Variants in NEDD4L observed in about 807,000 individuals in gnomAD.
NEDD4L encodes the protein NEDD4 like E3 ubiquitin protein ligase.
In NEDD4L, 54 loss-of-function variants were observed where a neutral mutation model predicts 148.9. The observed-to-expected ratio is 0.36, with a 90% confidence interval of 0.29 to 0.45. The LOEUF (loss-of-function observed/expected upper bound fraction) is 0.45. Among genes scored for constraint, NEDD4L ranks in the 20% least tolerant of loss-of-function variants. NEDD4L has a pLI of 1.00. For missense variants in NEDD4L, 856 were observed against 1,233.8 expected (o/e 0.69, Z 4.59); for synonymous variants, 433 against 440.7 (o/e 0.98, Z 0.22).
At chr18:58,063,252 G>A (rs1015224729) in intron 1 of NEDD4L, among the ~76,000 whole-genome samples, 2 of 150,714 alleles carry the variant, frequency 1.3e-5, no homozygotes, top group African/African-American at 2.4e-5. Flanking sequence ...AGACAAGTTC[G>A]TGCTGTGTTG....
chr18:58,322,734 A>G (rs1400614817), intron 7 of NEDD4L, among the ~76,000 whole-genome samples: 6 of 88,572 alleles, frequency 6.8e-5, no homozygotes, highest in Admixed American at 1.4e-4. Context: ...CCTGCCTTGC[A>G]TGCTGTGGGT....
At position 58,323,169 on chromosome 18, in the gene NEDD4L, C is replaced by A. The variant is rs73439414; in HGVS notation, c.411-63C>A. On this transcript the variant is annotated intron_variant, in intron 7 of 30. Transcript: ENST00000400345. ...TGTGGTGGTTGGCTTTTGCTGAAGA[C>A]GATTTTAAGTGTCCTTTGAAGTCAC... 10,060 of 975,350 alleles carry A rather than the reference C, an allele frequency of 0.01. 728 individuals carry two copies. In the African/African-American group the frequency reaches 0.14, roughly 14 times the overall value. 60.4% of individuals were successfully genotyped at this position (975,350 alleles called of 1,614,324 possible).
At chr18:58,335,441 C>T (rs778907418) in intron 12 of NEDD4L, 37 bp from the exon 13 acceptor site, 2 of 1,576,602 alleles carry the variant, frequency 1.3e-6, no homozygotes, top group African/African-American at 2.7e-5. Flanking sequence ...GGGTCATCCC[C>T]TAAGTGCATT....
At chr18:58,274,231 G>T (rs1178545414) in intron 5 of NEDD4L, among the ~76,000 whole-genome samples, 2 of 152,174 alleles carry the variant, frequency 1.3e-5, no homozygotes, top group Non-Finnish European at 2.9e-5. Context: ...CCACTGATGG[G>T]CCCAGTCCGT....
intron 2 of NEDD4L, among the ~76,000 whole-genome samples, chr18:58,241,958 T>C (rs2046686381): frequency 1.3e-5 from 2 of 152,028 alleles, no homozygotes; most frequent in Non-Finnish European, 1.5e-5. Context: ...GTCATATTCA[T>C]GCTAGCCCTG....
chr18:58,152,803 T>C (rs2034947384), intron 1 of NEDD4L, among the ~76,000 whole-genome samples: 1 of 152,210 alleles, frequency 6.6e-6, no homozygotes, highest in Non-Finnish European at 1.5e-5. Context: ...AAATTGGTAC[T>C]CTGGGAAGAT....
At chr18:58,219,629 C>G (rs201188932) in intron 2 of NEDD4L, among the ~76,000 whole-genome samples, 7 of 151,738 alleles carry the variant, frequency 4.6e-5, no homozygotes, top group Non-Finnish European at 2.9e-5. Context: ...ATTTGTGTAC[C>G]TGTGTCCGTG....
At chr18:58,312,716 G>C (rs536435535) in intron 5 of NEDD4L, among the ~76,000 whole-genome samples, 3 of 152,270 alleles carry the variant, frequency 2.0e-5, no homozygotes, top group African/African-American at 7.2e-5. Context: ...GTCTTGCCCT[G>C]TCTCCCAGAC....
chr18:58,379,319 G>A (rs1372576594), intron 24 of NEDD4L, among the ~76,000 whole-genome samples: 1 of 152,236 alleles, frequency 6.6e-6, no homozygotes, highest in African/African-American at 2.4e-5. Context: ...AGCACCTATA[G>A]GAGATGCGCA....
chr18:58,374,828 C>T (rs17064916), intron 24 of NEDD4L, among the ~76,000 whole-genome samples: 7,153 of 152,164 alleles, frequency 0.047, 235 homozygotes, highest in East Asian at 0.12. Flanking sequence ...GTCCTGCACC[C>T]GCTGCTTTTT....
chr18:58,184,887 C>A (rs1447068321), intron 2 of NEDD4L, among the ~76,000 whole-genome samples: 5 of 151,636 alleles, frequency 3.3e-5, no homozygotes, highest in African/African-American at 1.2e-4. Context: ...GAGATGGCAC[C>A]ACTGCACTCC....
At position 58,398,273 on chromosome 18, in the gene NEDD4L, C is replaced by G. The variant is rs2050625754; in HGVS notation, c.*2004C>G. 1 of 145,898 alleles carries G rather than the reference C, an allele frequency of 6.9e-6. No homozygotes were observed. The highest frequency in any genetic ancestry group is 2.6e-5 in the African/African-American group (1 of 37,848). The allele number at this position is 145,898 out of a possible 1,614,324, so 9.0% of individuals were successfully genotyped here. On this transcript the variant is annotated 3_prime_UTR_variant, in exon 31 of 31. Transcript: ENST00000400345. ...TGACAAATGTCTCAGTGGCAAAAAT[C>G]CCCTTTTTGTAAGCCCCCATAGTCT...
At chr18:58,115,435 T>C (rs778000354) in intron 1 of NEDD4L, among the ~76,000 whole-genome samples, 1 of 152,142 alleles carries the variant, frequency 6.6e-6, no homozygotes, top group African/African-American at 2.4e-5. Flanking sequence ...AGGAGGTTAG[T>C]TGCATTTTCC....
intron 3 of NEDD4L, among the ~76,000 whole-genome samples, chr18:58,248,072 A>G (rs2047487705): frequency 6.6e-6 from 1 of 152,212 alleles, no homozygotes; most frequent in African/African-American, 2.4e-5. Flanking sequence ...AAAAATATCT[A>G]TCGCTGTTGG....
At chr18:58,126,367 T>C (rs1451238442) in intron 1 of NEDD4L, among the ~76,000 whole-genome samples, 1 of 152,240 alleles carries the variant, frequency 6.6e-6, no homozygotes, top group Non-Finnish European at 1.5e-5. Flanking sequence ...CTGAATATTT[T>C]GCATAAACGG....
intron 1 of NEDD4L, among the ~76,000 whole-genome samples, chr18:58,073,805 A>T (rs561624183): frequency 6.6e-6 from 1 of 152,338 alleles, no homozygotes; most frequent in Non-Finnish European, 1.5e-5. Flanking sequence ...TTGGAGACAC[A>T]TTAAAATCAA....
chr18:58,072,202 C>T (rs140523332), intron 1 of NEDD4L, among the ~76,000 whole-genome samples: 103 of 152,000 alleles, frequency 6.8e-4, no homozygotes, highest in African/African-American at 2.1e-3. Flanking sequence ...TGAATTCTAC[C>T]GAGTATTATT....
intron 18 of NEDD4L, among the ~76,000 whole-genome samples, chr18:58,356,414 C>T (rs941339826): frequency 5.9e-5 from 9 of 152,060 alleles, no homozygotes; most frequent in South Asian, 2.1e-4. Flanking sequence ...CCCTCCACTC[C>T]ACCCTAGTAC....
At chr18:58,126,308 C>T (rs921955826) in intron 1 of NEDD4L, among the ~76,000 whole-genome samples, 2 of 152,208 alleles carry the variant, frequency 1.3e-5, no homozygotes, top group Non-Finnish European at 2.9e-5. Flanking sequence ...CCCTGTTCCC[C>T]TGAGCCCCTG....
Sources: allele counts gnomAD v4.1 joint callset (sites outside exome capture counted in the v4.1 genomes callset), GRCh38; gene constraint gnomAD v4.1.1; transcripts MANE v1.5; gene names NCBI Gene and HGNC (gene_info 2026-07-23, HGNC 2026-07-21).